USE1: variants seen among roughly 807,000 people sequenced by gnomAD.
The protein encoded by USE1 is vesicle transport protein USE1.
A neutral mutation model predicts 37.6 loss-of-function variants in USE1; 32 were observed. That is an observed-to-expected ratio of 0.85 (90% confidence interval 0.64 to 1.14). USE1 has a LOEUF of 1.14. Ranked by LOEUF, USE1 falls within the 50% of genes most tolerant of loss-of-function variation. The pLI, the probability that USE1 is intolerant of heterozygous loss-of-function variation, is 0.00. For missense variants in USE1, 310 were observed against 332.2 expected (o/e 0.93, Z 0.52); for synonymous variants, 149 against 137.6 (o/e 1.08, Z -0.58).
intron 5 of USE1, 33 bp from the exon 6 acceptor site, chr19:17,218,329 ACT>A: frequency 6.2e-7 from 1 of 1,612,882 alleles, no homozygotes; most frequent in African/African-American, 1.3e-5. Context: ...GGAAACCAAC[ACT>A]CGCCTTTTTT....
intron 4 of USE1, 87 bp from the exon 5 acceptor site, chr19:17,217,366 C>G: frequency 6.8e-7 from 1 of 1,475,622 alleles, no homozygotes; most frequent in Non-Finnish European, 9.3e-7. Flanking sequence ...GAACTTCTGA[C>G]CTCAGGTGAT....
At chr19:17,215,748 C>A in intron 1 of USE1, 54 bp from the exon 2 acceptor site, 2 of 1,487,344 alleles carry the variant, frequency 1.3e-6, no homozygotes, top group South Asian at 1.2e-5. Flanking sequence ...CCCCGACTCC[C>A]ATGATCAGGA....
At chr19:17,217,284 C>A (rs1234563318) in intron 4 of USE1, among the ~76,000 whole-genome samples, 169 bp from the exon 5 acceptor site, 1 of 151,806 alleles carries the variant, frequency 6.6e-6, no homozygotes, top group African/African-American at 2.4e-5. Flanking sequence ...CACAGGCACC[C>A]CCACCACACC....
At position 17,217,389 on chromosome 19, in the gene USE1, G is replaced by C. The variant is rs1469407558; in HGVS notation, c.385-64G>C. 6.3e-6 allele frequency: 10 copies of C among 1,588,192 alleles called. No individual in the cohort carries two copies. The Admixed American group carries it at 1.7e-4, about 28-fold the overall frequency. The stretch of plus-strand genomic sequence containing the variant: ...GACCTCAGGTGATCTGCCCACCTTG[G>C]CCTCCCAAAGTGCTGGGAGTGAGCC... On this transcript the variant is annotated intron_variant, in intron 4 of 7. Coordinates refer to ENST00000263897, the MANE Select transcript of USE1 (RefSeq NM_018467.4).
chr19:17,217,155 G>A (rs574324559), intron 4 of USE1, among the ~76,000 whole-genome samples: 60 of 141,496 alleles, frequency 4.2e-4, no homozygotes, highest in Non-Finnish European at 7.0e-4. Context: ...TTTTTTTTGC[G>A]ATGGAGATTC....
In USE1 at chr19:17,215,402, GATA is replaced by G. The variant is rs1487506687; in HGVS notation, c.-1_2del. The G allele has an allele frequency of 1.3e-6, 2 of 1,556,038 alleles. No individual in the cohort carries two copies. The highest frequency in any genetic ancestry group is 3.9e-5 in the Admixed American group (2 of 51,500). On this transcript the variant is annotated 5_prime_UTR_variant, in exon 1 of 8. Coordinates refer to ENST00000263897, the MANE Select transcript of USE1 (RefSeq NM_018467.4). ...CGGAAGGGGTGGTGTAGGGCCGGGC[GATA>G]ATGGCGGCGTCGAGGCTGGAGCTAA...
Position 17,219,692 on chromosome 19 carries a change from A to T in USE1, c.659A>T (p.Glu220Val), listed in dbSNP as rs1568309988. The T allele has an allele frequency of 1.2e-6, 2 of 1,612,852 alleles. No homozygotes were observed. Among genetic ancestry groups the T allele is most frequent in the Non-Finnish European group, 1.7e-6 (2 of 1,179,026 alleles). Reference sequence around the variant, plus strand: ...CTGGAGAAACTGAAGACGGAGTCAGAGCGTCTGGAGCAGCACACGCAGAAG... The same window carrying T: ...CTGGAGAAACTGAAGACGGAGTCAGTGCGTCTGGAGCAGCACACGCAGAAG... The part of the protein sequence containing the change: ...QNLEKLKTES[E>V]RLEQHTQKSV... The change falls in exon 8 of 8, where the codon GAG (glutamate) becomes GTG (valine). Residue 220 changes from glutamate to valine, a missense_variant. Transcript: ENST00000263897.
In USE1 at chr19:17,215,868, T is replaced by C; in HGVS notation, c.152+17T>C. On this transcript the variant is annotated intron_variant, in intron 2 of 7. Coordinates refer to ENST00000263897, the MANE Select transcript of USE1 (RefSeq NM_018467.4). ...CCACGCGAGGTGAGTGCAGGCAGCCTCAGGGCTTTCACATCAGCACGTGGC... is the reference window on the plus strand; with the variant it reads ...CCACGCGAGGTGAGTGCAGGCAGCCCCAGGGCTTTCACATCAGCACGTGGC... The C allele has an allele frequency of 1.2e-6, 2 of 1,603,132 alleles. No homozygotes were observed. Among genetic ancestry groups the C allele is most frequent in the South Asian group, 2.2e-5 (2 of 89,050 alleles).
intron 5 of USE1, 184 bp downstream of exon 5, chr19:17,217,646 C>A: frequency 3.5e-6 from 3 of 848,354 alleles, no homozygotes; most frequent in Non-Finnish European, 5.6e-6. Context: ...CAAAGCTAGG[C>A]ACAGTGGCTC....
intron 5 of USE1, 174 bp downstream of exon 5, chr19:17,217,636 C>A: frequency 2.1e-6 from 2 of 955,250 alleles, no homozygotes; most frequent in Non-Finnish European, 3.2e-6. Flanking sequence ...CGAGAGGAAA[C>A]AAAGCTAGGC....
intron 4 of USE1, 96 bp downstream of exon 4, chr19:17,216,417 A>G: frequency 6.6e-7 from 1 of 1,517,346 alleles, no homozygotes. Flanking sequence ...CAGATACAGG[A>G]ACCCTAAGGG....
rs896490540 is a variant in USE1 at position 17,219,768 on chromosome 19, C to T, written c.735C>T (p.Phe245=). The T allele has an allele frequency of 1.2e-6, 2 of 1,610,632 alleles. No homozygotes were observed. Among genetic ancestry groups the T allele is most frequent in the African/African-American group, 1.3e-5 (1 of 74,938 alleles). ...TGCTCATTATCGTCTGCTTCATCTTCATTAGCATGATCCTCTTCATTCGAA... is the reference window on the plus strand; with the variant it reads ...TGCTCATTATCGTCTGCTTCATCTTTATTAGCATGATCCTCTTCATTCGAA... ...WAMLIIVCFI[F]ISMILFIRIM... Residue 245 remains phenylalanine (F), a synonymous_variant, in exon 8 of 8, where the codon TTC becomes TTT. Coordinates refer to ENST00000263897, the MANE Select transcript of USE1 (RefSeq NM_018467.4).
intron 1 of USE1, 146 bp from the exon 2 acceptor site, chr19:17,215,656 G>T: frequency 1.6e-6 from 2 of 1,287,624 alleles, no homozygotes; most frequent in Non-Finnish European, 2.1e-6. Flanking sequence ...TGTAGCTTCC[G>T]CCCCCGTCCC....
chr19:17,216,344 T>C, intron 4 of USE1, 23 bp downstream of exon 4: 1 of 1,603,526 alleles, frequency 6.2e-7, no homozygotes. Flanking sequence ...CCCTGGTCCC[T>C]GGGAATCCCT....
rs200419019 is a variant in USE1, at chr19:17,219,716, A to G, written c.683A>G (p.Lys228Arg). Residue 228 changes from lysine (K) to arginine (R), a missense_variant, in exon 8 of 8, where the codon AAG (lysine) becomes AGG (arginine). Transcript: ENST00000263897. The part of the protein sequence containing the change: ...ESERLEQHTQ[K>R]SVNWLLWAML... ...GAGCGTCTGGAGCAGCACACGCAGA[A>G]GTCAGTCAACTGGCTGCTCTGGGCC... 351 of 1,613,646 alleles carry G rather than the reference A, an allele frequency of 2.2e-4. No individual in the cohort carries two copies. The highest frequency in any genetic ancestry group is 1.4e-3 in the Admixed American group (84 of 60,010).
intron 7 of USE1, 112 bp downstream of exon 7, chr19:17,219,499 A>G: frequency 7.0e-7 from 1 of 1,437,396 alleles, no homozygotes; most frequent in Non-Finnish European, 9.3e-7. Context: ...GTTTCGTAGA[A>G]GGCAAAAATG....
At chr19:17,218,776 G>A (rs1057420952) in intron 6 of USE1, 3 of 163,898 alleles carry the variant, frequency 1.8e-5, no homozygotes, top group African/African-American at 2.7e-5. Context: ...ACAGTGAGCC[G>A]AGATCACGCC....
chr19:17,215,700 C>A, intron 1 of USE1, 102 bp from the exon 2 acceptor site: 1 of 1,127,572 alleles, frequency 8.9e-7, no homozygotes, highest in South Asian at 1.4e-5. Flanking sequence ...GGCCCCGCCT[C>A]CTTTACGCTT....
Position 17,218,534 on chromosome 19 carries a change from A to C in USE1, c.422+143A>C, listed in dbSNP as rs535710717. 30 of 1,100,664 alleles carry C rather than the reference A, an allele frequency of 2.7e-5. 1 individual carries two copies. The South Asian group carries it at 4.5e-4, about 17-fold the overall frequency. 68.2% of individuals were successfully genotyped at this position (1,100,664 alleles called of 1,614,324 possible). On this transcript the variant is annotated intron_variant, in intron 6 of 7. Coordinates refer to ENST00000263897, the MANE Select transcript of USE1 (RefSeq NM_018467.4). ...AGCCACTTCTGTGGATGCTCTTCCC[A>C]GAAGTCAAAGGCCAGGCGCAGTGGC...
Sources: allele counts gnomAD v4.1 joint callset (sites outside exome capture counted in the v4.1 genomes callset), GRCh38; gene constraint gnomAD v4.1.1; transcripts MANE v1.5; gene names NCBI Gene and HGNC (gene_info 2026-07-23, HGNC 2026-07-21).